Variants in FRMD5 observed in about 807,000 individuals in gnomAD.
FRMD5 encodes FERM domain containing 5.
A neutral mutation model predicts 69.0 loss-of-function variants in FRMD5; 20 were observed. The ratio of observed to expected loss-of-function variants is 0.29; its 90% confidence interval spans 0.20 to 0.42. FRMD5 has a LOEUF of 0.42. FRMD5 is among the 10% of genes least tolerant of loss of function. The pLI is 1.00. For missense variants in FRMD5, 595 were observed against 708.6 expected (o/e 0.84, Z 1.82); for synonymous variants, 271 against 260.1 (o/e 1.04, Z -0.40).
intron 1 of FRMD5, among the ~76,000 whole-genome samples, chr15:44,160,070 A>G (rs2077589669): frequency 6.6e-6 from 1 of 152,208 alleles, no homozygotes; most frequent in South Asian, 2.1e-4. Flanking sequence ...TAACTGGGGA[A>G]GTGCCAGGCA....
intron 1 of FRMD5, among the ~76,000 whole-genome samples, chr15:44,155,228 T>C (rs1278606983): frequency 6.6e-6 from 1 of 151,940 alleles, no homozygotes; most frequent in Non-Finnish European, 1.5e-5. Flanking sequence ...GGTCGGGAGA[T>C]CAAGACCATC....
chr15:43,878,199 T>G (rs1488886906), intron 13 of FRMD5, among the ~76,000 whole-genome samples: 1 of 152,060 alleles, frequency 6.6e-6, no homozygotes, highest in Non-Finnish European at 1.5e-5. Context: ...GACAGGTTTT[T>G]GTGCTGGGAT....
chr15:44,023,900 T>A (rs1891320755), intron 1 of FRMD5, among the ~76,000 whole-genome samples: 2 of 152,158 alleles, frequency 1.3e-5, no homozygotes, highest in African/African-American at 4.8e-5. Flanking sequence ...ATAACCTTTC[T>A]TTACCTTCCT....
intron 1 of FRMD5, among the ~76,000 whole-genome samples, chr15:43,999,090 C>A (rs1481151297): frequency 6.6e-6 from 1 of 151,978 alleles, no homozygotes; most frequent in African/African-American, 2.4e-5. Flanking sequence ...TTTTTTCAGA[C>A]GGAGTCTCCA....
intron 1 of FRMD5, among the ~76,000 whole-genome samples, chr15:43,938,330 C>G (rs1051152027): frequency 6.6e-5 from 10 of 152,040 alleles, no homozygotes; most frequent in Admixed American, 2.6e-4. Flanking sequence ...TCTATTAACC[C>G]CATTTTATAA....
Position 43,906,889 on chromosome 15 carries a change from C to T in FRMD5, c.428-938G>A, listed in dbSNP as rs141981544. Among the ~76,000 whole-genome samples, 1,329 of 152,254 alleles carry T rather than the reference C, an allele frequency of 8.7e-3. 81 individuals are homozygous for T. Among genetic ancestry groups the T allele is most frequent in the Admixed American group, 0.077 (1,177 of 15,290 alleles). The stretch of plus-strand genomic sequence containing the variant: ...GTGCTGGGATTACAGGCGTGAGCCA[C>T]CGCACCCGGCCGAGAAGCATCAAGT... On this transcript the variant is annotated intron_variant, in intron 5 of 13. Coordinates refer to ENST00000417257, the MANE Select transcript of FRMD5 (RefSeq NM_032892.5).
chr15:43,913,335 A>G (rs959909063), intron 4 of FRMD5, among the ~76,000 whole-genome samples: 2 of 152,264 alleles, frequency 1.3e-5, no homozygotes, highest in African/African-American at 4.8e-5. Context: ...AGGATACACC[A>G]GTATCCTAAA....
chr15:44,047,519 AT>A (rs1892480933), intron 1 of FRMD5, among the ~76,000 whole-genome samples: 1 of 152,196 alleles, frequency 6.6e-6, no homozygotes, highest in South Asian at 2.1e-4. Context: ...AGATCAATAA[AT>A]TTTATAATAC....
At chr15:44,063,661 T>A in intron 1 of FRMD5, 1 of 435,392 alleles carries the variant, frequency 2.3e-6, no homozygotes, top group Non-Finnish European at 4.4e-6. Flanking sequence ...CTAGTATGAT[T>A]CCACCCATAG....
intron 4 of FRMD5, among the ~76,000 whole-genome samples, chr15:43,911,208 T>G (rs1202828101): frequency 1.3e-5 from 2 of 152,252 alleles, no homozygotes; most frequent in African/African-American, 4.8e-5. Context: ...CACAGATTCT[T>G]TGATAATCCT....
chr15:43,971,941 G>C (rs1244630024), intron 1 of FRMD5, among the ~76,000 whole-genome samples: 1 of 150,972 alleles, frequency 6.6e-6, no homozygotes, highest in African/African-American at 2.4e-5. Context: ...TTTCAGTCCA[G>C]GCATGGTGGC....
At chr15:43,888,077 T>C in intron 10 of FRMD5, 98 bp downstream of exon 10, 1 of 888,362 alleles carries the variant, frequency 1.1e-6, no homozygotes, top group Non-Finnish European at 1.8e-6. Context: ...CACTTCCAGC[T>C]ACCCCGCCCC....
chr15:44,126,940 T>C (rs1262323831), intron 1 of FRMD5, among the ~76,000 whole-genome samples: 1 of 152,256 alleles, frequency 6.6e-6, no homozygotes, highest in African/African-American at 2.4e-5. Context: ...TGGGCACTGC[T>C]ACATTCATGA....
intron 1 of FRMD5, among the ~76,000 whole-genome samples, chr15:43,947,095 A>G (rs2089959546): frequency 6.6e-6 from 1 of 152,226 alleles, no homozygotes; most frequent in Non-Finnish European, 1.5e-5. Context: ...TAAAGTTATC[A>G]CTTGAATAGA....
intron 1 of FRMD5, chr15:43,988,949 C>CAAACA (rs1269165279): frequency 3.4e-6 from 2 of 590,978 alleles, no homozygotes; most frequent in Non-Finnish European, 6.4e-6. Flanking sequence ...TGAGTCGAGC[C>CAAACA]AAACAAAACA....
intron 1 of FRMD5, chr15:44,064,461 A>G (rs1893226009): frequency 6.5e-6 from 1 of 152,796 alleles, no homozygotes; most frequent in Non-Finnish European, 1.5e-5. Context: ...GTGGTGGCGC[A>G]TGCCTGTAAT....
At chr15:44,161,938 C>A (rs763544172) in intron 1 of FRMD5, among the ~76,000 whole-genome samples, 1 of 152,094 alleles carries the variant, frequency 6.6e-6, no homozygotes, top group Non-Finnish European at 1.5e-5. Flanking sequence ...AGAGGTATTT[C>A]CTTGAAAGGT....
At chr15:44,129,102 C>G (rs1460746144) in intron 1 of FRMD5, among the ~76,000 whole-genome samples, 1 of 152,082 alleles carries the variant, frequency 6.6e-6, no homozygotes, top group South Asian at 2.1e-4. Flanking sequence ...TACAGGCTAA[C>G]CTTAATCCAA....
chr15:44,184,360 T>C (rs534060194), intron 1 of FRMD5, among the ~76,000 whole-genome samples: 16 of 152,316 alleles, frequency 1.1e-4, no homozygotes, highest in African/African-American at 3.8e-4. Context: ...AGCCCAAGGT[T>C]TTCAGGAATC....
Sources: gnomAD v4.1 joint callset for allele counts (sites outside exome capture counted in the v4.1 genomes callset) on GRCh38, gnomAD v4.1.1 for gene constraint, MANE v1.5 for transcripts, NCBI Gene and HGNC (gene_info 2026-07-23, HGNC 2026-07-21) for gene names.